LRRTM3: variants seen among roughly 807,000 people sequenced by gnomAD.
LRRTM3 encodes leucine rich repeat transmembrane neuronal 3.
Under a neutral mutation model 44.7 loss-of-function variants are expected in LRRTM3, and 24 were observed. The observed-to-expected ratio is 0.54, with a 90% CI of 0.39 to 0.76. The LOEUF (loss-of-function observed/expected upper bound fraction) is 0.76, where lower values mean the gene tolerates loss of function less well. Among genes scored for constraint, LRRTM3 ranks in the 30% least tolerant of loss-of-function variants. LRRTM3 has a pLI of 0.00. For missense variants in LRRTM3, 587 were observed against 702.2 expected (o/e 0.84, Z 1.85); for synonymous variants, 277 against 278.7 (o/e 0.99, Z 0.06).
chr10:67,010,477 G>T (rs1246707709), intron 2 of LRRTM3, among the ~76,000 whole-genome samples: 2 of 152,046 alleles, frequency 1.3e-5, no homozygotes, highest in East Asian at 3.9e-4. Flanking sequence ...ATTATTTTTG[G>T]CTTATCACCT....
intron 2 of LRRTM3, among the ~76,000 whole-genome samples, chr10:66,934,864 A>C (rs1402927841): frequency 6.6e-6 from 1 of 152,168 alleles, no homozygotes; most frequent in South Asian, 2.1e-4. Flanking sequence ...GGTGGAAAAT[A>C]CATTTTGTCA....
chr10:66,933,324 A>T (rs1847514671), intron 2 of LRRTM3, among the ~76,000 whole-genome samples: 1 of 152,266 alleles, frequency 6.6e-6, no homozygotes, highest in African/African-American at 2.4e-5. Context: ...TGTACAACAG[A>T]CATAAAGACA....
chr10:67,008,644 TTTGTC>T (rs1852145895), intron 2 of LRRTM3, among the ~76,000 whole-genome samples: 1 of 152,154 alleles, frequency 6.6e-6, no homozygotes, highest in South Asian at 2.1e-4. Context: ...GCCCCATTCA[TTTGTC>T]TGGCTCTTAC....
intron 2 of LRRTM3, among the ~76,000 whole-genome samples, chr10:66,975,863 A>G (rs918231255): frequency 1.3e-5 from 2 of 152,202 alleles, no homozygotes; most frequent in African/African-American, 4.8e-5. Flanking sequence ...ATCTGACCAA[A>G]AATCTTGGTC....
At chr10:66,930,643 T>C (rs1669812049) in intron 2 of LRRTM3, among the ~76,000 whole-genome samples, 1 of 152,170 alleles carries the variant, frequency 6.6e-6, no homozygotes, top group East Asian at 1.9e-4. Context: ...AAATTCTCAA[T>C]GCCATGGTGC....
chr10:67,087,890 T>C (rs568620200), intron 2 of LRRTM3, among the ~76,000 whole-genome samples: 1 of 152,154 alleles, frequency 6.6e-6, no homozygotes, highest in East Asian at 1.9e-4. Context: ...TAGTGCTTAA[T>C]AAGTATAAGG....
chr10:67,036,703 G>A lies in LRRTM3; in HGVS notation c.1537-60884G>A, dbSNP rs1455379858. Reference sequence around the variant, plus strand: ...GTATACTTTTTAAAGGATAAATATCGAGGCTGTGCCCATTCATTTGTTTAT... The same window carrying A: ...GTATACTTTTTAAAGGATAAATATCAAGGCTGTGCCCATTCATTTGTTTAT... On this transcript the variant is annotated intron_variant, in intron 2 of 2. Transcript: ENST00000361320. 3.3e-5 allele frequency among the ~76,000 whole-genome samples: 5 copies of A among 152,172 alleles called. No individual in the cohort carries two copies. The East Asian group carries it at 7.7e-4, about 24-fold the overall frequency.
intron 2 of LRRTM3, among the ~76,000 whole-genome samples, chr10:67,048,130 G>A (rs1854863669): frequency 6.6e-6 from 1 of 151,890 alleles, no homozygotes. Context: ...TCCCTTCACG[G>A]TCTTCCTCCC....
Position 67,099,441 on chromosome 10 carries a change from A to T in LRRTM3, c.*1645A>T, listed in dbSNP as rs1011378658. ...TAGATTGACAATACATCAATCTAAC[A>T]GGGGCCAATCAAAACAATGAAGAAA... On this transcript the variant is annotated 3_prime_UTR_variant, in exon 3 of 3. Coordinates refer to ENST00000361320, the MANE Select transcript of LRRTM3 (RefSeq NM_178011.5). 6.6e-6 allele frequency: 1 copy of T among 151,796 alleles called. No homozygotes were observed. The highest frequency in any genetic ancestry group is 1.5e-5 in the Non-Finnish European group (1 of 67,788). The allele number at this position is 151,796 out of a possible 1,614,324, so 9.4% of individuals were successfully genotyped here. A position where few individuals can be genotyped will look rare whatever the true frequency, so the allele number is the denominator to read the frequency against.
intron 2 of LRRTM3, among the ~76,000 whole-genome samples, chr10:67,095,782 A>T (rs960229536): frequency 6.6e-6 from 1 of 151,828 alleles, no homozygotes; most frequent in Non-Finnish European, 1.5e-5. Flanking sequence ...TTCCCAGAGG[A>T]TAATGTAAAA....
intron 2 of LRRTM3, among the ~76,000 whole-genome samples, chr10:66,964,764 G>A (rs1477872039): frequency 6.6e-6 from 1 of 152,120 alleles, no homozygotes; most frequent in Non-Finnish European, 1.5e-5. Context: ...CATGGAAGTA[G>A]GAGGGAAAAG....
At chr10:67,079,748 T>TGA (rs1482267595) in intron 2 of LRRTM3, among the ~76,000 whole-genome samples, 1 of 151,994 alleles carries the variant, frequency 6.6e-6, no homozygotes. Context: ...CTCAGGAGGC[T>TGA]GAGGCAGGAG....
At chr10:66,938,632 T>C (rs1847844775) in intron 2 of LRRTM3, among the ~76,000 whole-genome samples, 1 of 152,146 alleles carries the variant, frequency 6.6e-6, no homozygotes. Flanking sequence ...GTGAGTAGAC[T>C]CATGCAGCTC....
intron 2 of LRRTM3, among the ~76,000 whole-genome samples, chr10:66,930,702 A>C (rs1281186551): frequency 6.6e-6 from 1 of 152,168 alleles, no homozygotes; most frequent in African/African-American, 2.4e-5. Context: ...CATTCCTAAA[A>C]TTCAAAGCTA....
At chr10:67,095,050 A>G (rs1028102767) in intron 2 of LRRTM3, among the ~76,000 whole-genome samples, 5 of 100,442 alleles carry the variant, frequency 5.0e-5, no homozygotes, top group Non-Finnish European at 7.6e-5. Flanking sequence ...TATATATTAT[A>G]TATGTATCTG....
In LRRTM3 at chr10:67,052,313, ACTCTCTCTCTCT is replaced by A. The variant is rs3841706; in HGVS notation, c.1537-45244_1537-45233del. Among the ~76,000 whole-genome samples the A allele has an allele frequency of 2.8e-3, 341 of 121,118 alleles. 2 individuals carry two copies. Among genetic ancestry groups the A allele is most frequent in the East Asian group, 0.025 (105 of 4,282 alleles). 79.5% of individuals were successfully genotyped at this position (121,118 alleles called of 152,430 possible). On this transcript the variant is annotated intron_variant, in intron 2 of 2. Coordinates refer to ENST00000361320, the MANE Select transcript of LRRTM3 (RefSeq NM_178011.5). The stretch of plus-strand genomic sequence containing the variant: ...AGAAGAATCTTCACACCCACTCATC[ACTCTCTCTCTCT>A]CTCTCTCTCTCTCTCTCTCTCTCTC...
At chr10:67,053,837 G>A (rs61197990) in intron 2 of LRRTM3, among the ~76,000 whole-genome samples, 4,968 of 152,204 alleles carry the variant, frequency 0.033, 250 homozygotes, top group African/African-American at 0.11. Context: ...AAAATCCGAG[G>A]ACCACAGATG....
chr10:67,039,730 T>C (rs890689071), intron 2 of LRRTM3, among the ~76,000 whole-genome samples: 3 of 152,114 alleles, frequency 2.0e-5, no homozygotes, highest in African/African-American at 7.2e-5. Flanking sequence ...AAAATGCACC[T>C]GCAAAATCGA....
chr10:67,092,520 T>C (rs959070753), intron 2 of LRRTM3, among the ~76,000 whole-genome samples: 2 of 151,922 alleles, frequency 1.3e-5, no homozygotes, highest in Non-Finnish European at 2.9e-5. Flanking sequence ...TTATGAGAAA[T>C]TCATATGAAT....
Sources: gnomAD v4.1 joint callset for allele counts (sites outside exome capture counted in the v4.1 genomes callset) on GRCh38, gnomAD v4.1.1 for gene constraint, MANE v1.5 for transcripts, NCBI Gene and HGNC (gene_info 2026-07-23, HGNC 2026-07-21) for gene names.